SLC35F3: variants seen among roughly 807,000 people sequenced by gnomAD.
SLC35F3 encodes solute carrier family 35 member F3.
Under a neutral mutation model 49.9 loss-of-function variants are expected in SLC35F3, and 25 were observed. The ratio of observed to expected loss-of-function variants is 0.50; its 90% CI spans 0.37 to 0.70. The LOEUF (loss-of-function observed/expected upper bound fraction) is 0.70. Among genes scored for constraint, SLC35F3 ranks in the 30% least tolerant of loss-of-function variants. SLC35F3 has a pLI of 0.00. For missense variants in SLC35F3, 525 were observed against 639.8 expected (o/e 0.82, Z 1.94); for synonymous variants, 275 against 265.4 (o/e 1.04, Z -0.35).
intron 2 of SLC35F3, among the ~76,000 whole-genome samples, chr1:234,168,053 A>G (rs1666344719): frequency 6.6e-6 from 1 of 152,206 alleles, no homozygotes; most frequent in Admixed American, 6.5e-5. Flanking sequence ...ATGAACTCGT[A>G]TGTACAAAAA....
intron 7 of SLC35F3, among the ~76,000 whole-genome samples, chr1:234,322,720 A>C (rs978909129): frequency 1.3e-5 from 2 of 151,264 alleles, no homozygotes; most frequent in African/African-American, 2.4e-5. Flanking sequence ...ACTGCCCTTC[A>C]TTCACTTGTT....
chr1:234,049,560 ACTCAGTCT>A, intron 2 of SLC35F3, among the ~76,000 whole-genome samples: 1 of 152,136 alleles, frequency 6.6e-6, no homozygotes, highest in African/African-American at 2.4e-5. Flanking sequence ...TGTTTAGGCC[ACTCAGTCT>A]GTGGTATTTT....
intron 2 of SLC35F3, among the ~76,000 whole-genome samples, chr1:233,907,739 G>A (rs556318949): frequency 6.6e-6 from 1 of 151,790 alleles, no homozygotes; most frequent in African/African-American, 2.4e-5. Context: ...TGTTTTTTGA[G>A]AGGGAGTCTC....
At position 233,943,308 on chromosome 1, in the gene SLC35F3, G is replaced by A. The variant is rs60056763; in HGVS notation, c.283+37550G>A. On this transcript the variant is annotated intron_variant, in intron 2 of 7. Transcript: ENST00000366618. ...AGGGAATTTGGTAATTTTCTGCAGGGAAAGTGGTGAAATAATCTTGTTCAC... is the reference window on the plus strand; with the variant it reads ...AGGGAATTTGGTAATTTTCTGCAGGAAAAGTGGTGAAATAATCTTGTTCAC... Among the ~76,000 whole-genome samples the A allele has an allele frequency of 8.4e-3, 1,283 of 152,338 alleles. 15 individuals are homozygous for A. Among genetic ancestry groups the A allele is most frequent in the African/African-American group, 0.029 (1,195 of 41,578 alleles).
chr1:233,955,957 G>A (rs994502763), intron 2 of SLC35F3, among the ~76,000 whole-genome samples: 25 of 137,412 alleles, frequency 1.8e-4, no homozygotes, highest in South Asian at 4.6e-4. Context: ...GCGTGATCTC[G>A]GCTCACTGCA....
chr1:234,182,102 T>C (rs1344653052), intron 2 of SLC35F3, among the ~76,000 whole-genome samples: 1 of 152,252 alleles, frequency 6.6e-6, no homozygotes, highest in African/African-American at 2.4e-5. Context: ...GGATTTCTAA[T>C]ATCTCCTAAA....
At chr1:234,170,086 C>G (rs1220678028) in intron 2 of SLC35F3, among the ~76,000 whole-genome samples, 1 of 152,210 alleles carries the variant, frequency 6.6e-6, no homozygotes, top group Non-Finnish European at 1.5e-5. Context: ...ACATCTTAAT[C>G]CTTCATGCCT....
intron 2 of SLC35F3, among the ~76,000 whole-genome samples, chr1:234,017,529 C>T (rs1663821458): frequency 6.6e-6 from 1 of 151,534 alleles, no homozygotes; most frequent in African/African-American, 2.4e-5. Context: ...CTGGCTAACA[C>T]TGTGAAACCC....
At chr1:233,918,176 A>G (rs1264859408) in intron 2 of SLC35F3, among the ~76,000 whole-genome samples, 1 of 152,212 alleles carries the variant, frequency 6.6e-6, no homozygotes, top group Non-Finnish European at 1.5e-5. Flanking sequence ...ATGACTCCTA[A>G]TGGTCAGCAG....
Position 234,275,763 on chromosome 1 carries a change from A to AATAT in SLC35F3, c.609-33322_609-33319dup, listed in dbSNP as rs202037675. ...CATTGGTAAGTATTGAAAAAAAAAA[A>AATAT]ATATATATATATATATATAGCACAG... On this transcript the variant is annotated intron_variant, in intron 3 of 7. Transcript: ENST00000366618. Among the ~76,000 whole-genome samples, 445 of 135,510 alleles carry AATAT rather than the reference A, an allele frequency of 3.3e-3. 2 individuals carry two copies. The highest frequency in any genetic ancestry group is 0.01 in the African/African-American group (366 of 35,548). 88.9% of individuals were successfully genotyped at this position (135,510 alleles called of 152,430 possible). A position where few individuals can be genotyped will look rare whatever the true frequency, so the allele number is the denominator to read the frequency against.
In SLC35F3 at chr1:234,037,872, G is replaced by T. The variant is rs376173603; in HGVS notation, c.283+132114G>T. On this transcript the variant is annotated intron_variant, in intron 2 of 7. Transcript: ENST00000366618. ...CCTTTGCCTGGTAAGAGTAGTGAGGGTAAAGGCACAGAGCCATCTCGGGTC... is the reference window on the plus strand; with the variant it reads ...CCTTTGCCTGGTAAGAGTAGTGAGGTTAAAGGCACAGAGCCATCTCGGGTC... Among the ~76,000 whole-genome samples the T allele has an allele frequency of 1.7e-4, 26 of 152,308 alleles. No homozygotes were observed. In the East Asian group the frequency reaches 4.8e-3, roughly 28 times the overall value.
chr1:234,028,736 A>G (rs1471883073), intron 2 of SLC35F3, among the ~76,000 whole-genome samples: 2 of 152,234 alleles, frequency 1.3e-5, no homozygotes, highest in East Asian at 1.9e-4. Context: ...GATTCAGACT[A>G]CAGGTGTAGA....
chr1:234,251,001 A>G (rs1014115128), intron 3 of SLC35F3, among the ~76,000 whole-genome samples: 2 of 152,166 alleles, frequency 1.3e-5, no homozygotes, highest in African/African-American at 4.8e-5. Flanking sequence ...GAGGGGCCAA[A>G]CAAATGAAAC....
Position 234,223,826 on chromosome 1 carries a change from G to A in SLC35F3, c.284-7591G>A, listed in dbSNP as rs565633892. On this transcript the variant is annotated intron_variant, in intron 2 of 7. Coordinates refer to ENST00000366618, the MANE Select transcript of SLC35F3 (RefSeq NM_173508.4). Reference sequence around the variant, plus strand: ...ACATTTTTTTACTCACAGTACTGGAGGCTGGAAATCTGAAATCAAGGTGCT... The same window carrying A: ...ACATTTTTTTACTCACAGTACTGGAAGCTGGAAATCTGAAATCAAGGTGCT... Among the ~76,000 whole-genome samples the A allele has an allele frequency of 3.4e-4, 52 of 152,216 alleles. No homozygotes were observed. The South Asian group carries it at 7.1e-3, about 21-fold the overall frequency.
At chr1:234,217,137 G>T (rs1273031718) in intron 2 of SLC35F3, among the ~76,000 whole-genome samples, 2 of 152,224 alleles carry the variant, frequency 1.3e-5, no homozygotes, top group South Asian at 2.1e-4. Context: ...ACAGGCTACA[G>T]GGAGGGAATG....
chr1:234,017,396 T>G (rs1289369628), intron 2 of SLC35F3, among the ~76,000 whole-genome samples: 6 of 152,060 alleles, frequency 3.9e-5, no homozygotes, highest in African/African-American at 1.4e-4. Flanking sequence ...AAATATAATT[T>G]TCTTTGATGT....
intron 2 of SLC35F3, among the ~76,000 whole-genome samples, chr1:234,181,603 A>T (rs1306982043): frequency 2.0e-5 from 3 of 152,002 alleles, no homozygotes; most frequent in African/African-American, 7.2e-5. Context: ...GCCTCTTCTA[A>T]CTCATTTGTT....
chr1:234,077,048 A>G (rs1400741807), intron 2 of SLC35F3, among the ~76,000 whole-genome samples: 1 of 134,524 alleles, frequency 7.4e-6, no homozygotes, highest in Admixed American at 8.4e-5. Flanking sequence ...CCCAGGCCGG[A>G]CTGCGGACTG....
intron 2 of SLC35F3, among the ~76,000 whole-genome samples, chr1:234,093,070 G>A (rs767935397): frequency 1.1e-4 from 17 of 152,138 alleles, no homozygotes; most frequent in Non-Finnish European, 2.2e-4. Context: ...TGGATTGTGG[G>A]ACACTCATTT....
Sources: allele counts gnomAD v4.1 joint callset (sites outside exome capture counted in the v4.1 genomes callset), GRCh38; gene constraint gnomAD v4.1.1; transcripts MANE v1.5; gene names NCBI Gene and HGNC (gene_info 2026-07-23, HGNC 2026-07-21).